Variants in ZNF423 observed in about 807,000 individuals in gnomAD.
The protein encoded by ZNF423 is zinc finger protein 423, also known as Ebf-associated zinc finger protein.
In ZNF423, 12 loss-of-function variants were observed where a neutral mutation model predicts 95.8. The ratio of observed to expected loss-of-function variants is 0.13; its 90% CI spans 0.08 to 0.20. The LOEUF (loss-of-function observed/expected upper bound fraction) is 0.20. Ranked by LOEUF, ZNF423 falls within the 10% of genes least tolerant of loss-of-function variation. The probability of loss-of-function intolerance (pLI) is 1.00; values close to 1 mark genes in which losing one functional copy is unlikely to be tolerated. For synonymous variants in ZNF423, 749 were observed against 711.9 expected (o/e 1.05, Z -0.83); for missense variants, 1,316 against 1,737.1 (o/e 0.76, Z 4.31).
At chr16:49,698,692 G>A (rs2032063716) in intron 3 of ZNF423, among the ~76,000 whole-genome samples, 1 of 152,032 alleles carries the variant, frequency 6.6e-6, no homozygotes, top group Non-Finnish European at 1.5e-5. Context: ...AGCCAGCTGG[G>A]AACACAGCCG....
At chr16:49,710,125 C>A (rs1325442079) in intron 3 of ZNF423, among the ~76,000 whole-genome samples, 1 of 152,194 alleles carries the variant, frequency 6.6e-6, no homozygotes, top group Non-Finnish European at 1.5e-5. Context: ...CCAACAAACT[C>A]TCCCTTGACT....
intron 5 of ZNF423, among the ~76,000 whole-genome samples, chr16:49,556,058 G>C (rs1969816577): frequency 6.6e-6 from 1 of 152,274 alleles, no homozygotes; most frequent in South Asian, 2.1e-4. Context: ...ATTGTACCTA[G>C]GAATTATTTC....
intron 3 of ZNF423, among the ~76,000 whole-genome samples, chr16:49,650,838 C>T (rs955727525): frequency 1.3e-5 from 2 of 152,198 alleles, no homozygotes; most frequent in Admixed American, 1.3e-4. Flanking sequence ...GCCAGCTGGA[C>T]TGGGAGAAAT....
intron 2 of ZNF423, among the ~76,000 whole-genome samples, chr16:49,768,119 G>C (rs1044260657): frequency 1.2e-4 from 18 of 152,238 alleles, no homozygotes; most frequent in Non-Finnish European, 2.4e-4. Flanking sequence ...TGGGCTGCAC[G>C]AGGCTGGCAA....
intron 7 of ZNF423, among the ~76,000 whole-genome samples, chr16:49,502,996 T>A (rs1324182091): frequency 1.4e-5 from 2 of 145,732 alleles, no homozygotes; most frequent in Non-Finnish European, 3.0e-5. Context: ...TACCCCACAA[T>A]CCCATGCACA....
chr16:49,673,047 C>T (rs1279068731), intron 3 of ZNF423, among the ~76,000 whole-genome samples: 4 of 152,140 alleles, frequency 2.6e-5, no homozygotes, highest in African/African-American at 9.7e-5. Context: ...GGCGGTCTCC[C>T]ACCAGCAGGT....
intron 5 of ZNF423, among the ~76,000 whole-genome samples, chr16:49,597,795 CA>C (rs1971233118): frequency 6.6e-6 from 1 of 152,178 alleles, no homozygotes; most frequent in Admixed American, 6.5e-5. Flanking sequence ...GCACAATACT[CA>C]GAGATTATAT....
intron 3 of ZNF423, among the ~76,000 whole-genome samples, chr16:49,697,526 G>T (rs146206723): frequency 6.6e-6 from 1 of 151,446 alleles, no homozygotes; most frequent in Non-Finnish European, 1.5e-5. Flanking sequence ...GGAGGCCTGC[G>T]TCTCGTATGC....
At chr16:49,739,638 C>T (rs888799330) in intron 2 of ZNF423, among the ~76,000 whole-genome samples, 3 of 151,762 alleles carry the variant, frequency 2.0e-5, no homozygotes, top group African/African-American at 4.8e-5. Flanking sequence ...AGGAAGATAC[C>T]TACCATTTCC....
chr16:49,704,567 G>C (rs2032292990), intron 3 of ZNF423, among the ~76,000 whole-genome samples: 1 of 152,218 alleles, frequency 6.6e-6, no homozygotes, highest in Non-Finnish European at 1.5e-5. Flanking sequence ...AACCAGCATA[G>C]AGCCTGATAG....
intron 3 of ZNF423, among the ~76,000 whole-genome samples, chr16:49,650,461 C>T (rs746076445): frequency 6.6e-6 from 1 of 152,216 alleles, no homozygotes; most frequent in Non-Finnish European, 1.5e-5. Flanking sequence ...GTAACTGACA[C>T]TATTATCATT....
chr16:49,835,204 G>T (rs1229140630), intron 1 of ZNF423, among the ~76,000 whole-genome samples: 1 of 152,154 alleles, frequency 6.6e-6, no homozygotes, highest in Non-Finnish European at 1.5e-5. Context: ...CAGCCAAGGG[G>T]TCTGTGAGGA....
intron 3 of ZNF423, among the ~76,000 whole-genome samples, chr16:49,692,362 C>G (rs2031816881): frequency 6.6e-6 from 1 of 152,142 alleles, no homozygotes; most frequent in South Asian, 2.1e-4. Flanking sequence ...CTGGCAGACC[C>G]CCAGCACACA....
intron 2 of ZNF423, among the ~76,000 whole-genome samples, chr16:49,781,528 C>A (rs1436532049): frequency 6.6e-6 from 1 of 152,146 alleles, no homozygotes; most frequent in African/African-American, 2.4e-5. Flanking sequence ...TGCAGAAGCG[C>A]AGGGGTGTGG....
At chr16:49,551,684 C>T (rs939413839) in intron 5 of ZNF423, among the ~76,000 whole-genome samples, 2 of 152,160 alleles carry the variant, frequency 1.3e-5, no homozygotes, top group Non-Finnish European at 2.9e-5. Flanking sequence ...TTAGAAAAGG[C>T]CTCCTTTCCT....
chr16:49,691,457 G>A (rs965645861), intron 3 of ZNF423, among the ~76,000 whole-genome samples: 1 of 152,210 alleles, frequency 6.6e-6, no homozygotes, highest in Non-Finnish European at 1.5e-5. Flanking sequence ...CCTCGGCCGG[G>A]CGCAGTGGCT....
At chr16:49,629,469 C>T (rs1406136898) in intron 4 of ZNF423, among the ~76,000 whole-genome samples, 1 of 152,230 alleles carries the variant, frequency 6.6e-6, no homozygotes, top group African/African-American at 2.4e-5. Flanking sequence ...CAGGCCTTTG[C>T]CTGTGCTGGT....
intron 7 of ZNF423, among the ~76,000 whole-genome samples, chr16:49,514,760 G>C (rs1005106667): frequency 1.3e-5 from 2 of 152,158 alleles, no homozygotes; most frequent in Admixed American, 1.3e-4. Flanking sequence ...CTTTGCCACC[G>C]CGGGCCCGGC....
At chr16:49,674,024 G>T (rs1217902989) in intron 3 of ZNF423, among the ~76,000 whole-genome samples, 1 of 152,196 alleles carries the variant, frequency 6.6e-6, no homozygotes, top group Non-Finnish European at 1.5e-5. Flanking sequence ...CCATGGAGCA[G>T]GTAGAGAAAA....
Sources: gnomAD v4.1 joint callset for allele counts (sites outside exome capture counted in the v4.1 genomes callset) on GRCh38, gnomAD v4.1.1 for gene constraint, MANE v1.5 for transcripts, NCBI Gene and HGNC (gene_info 2026-07-23, HGNC 2026-07-21) for gene names.